NSUN6: variants seen among roughly 807,000 people sequenced by gnomAD.
NSUN6 encodes the protein NOP2/Sun RNA methyltransferase 6, also known as tRNA (cytosine(72)-C(5))-methyltransferase NSUN6.
A neutral mutation model predicts 58.0 loss-of-function variants in NSUN6; 64 were observed. The observed-to-expected ratio is 1.10, with a 90% CI of 0.90 to 1.36. The LOEUF (loss-of-function observed/expected upper bound fraction) is 1.36, where lower values mean the gene tolerates loss of function less well. NSUN6 is among the 40% of genes most tolerant of loss of function. The pLI is 0.00. For missense variants in NSUN6, 701 were observed against 550.1 expected (o/e 1.27, Z -2.74); for synonymous variants, 231 against 193.9 (o/e 1.19, Z -1.59).
intron 8 of NSUN6, among the ~76,000 whole-genome samples, chr10:18,569,116 C>T (rs1041637251): frequency 3.9e-4 from 58 of 150,628 alleles, no homozygotes; most frequent in Non-Finnish European, 6.2e-4. Flanking sequence ...ATTCTCCATC[C>T]GTTACATTCT....
chr10:18,654,114 G>T (rs10829135), upstream of NSUN6, among the ~76,000 whole-genome samples: 149,298 of 152,262 alleles, frequency 0.98, 73,209 homozygotes, highest in East Asian at 1. Context: ...GGTGATCACT[G>T]CCCTCGAGTC....
upstream of NSUN6, chr10:18,658,693 T>C (rs563090932): frequency 5.6e-5 from 55 of 980,466 alleles, no homozygotes; most frequent in Admixed American, 3.3e-3. Context: ...TCCCAATCAA[T>C]TCTTTTCAGA....
chr10:18,657,403 A>G (rs1552608), upstream of NSUN6, among the ~76,000 whole-genome samples: 18 of 152,294 alleles, frequency 1.2e-4, no homozygotes, highest in African/African-American at 3.1e-4. Context: ...AGTAAATTTT[A>G]ACGAACTGAA....
rs2054243385 is a variant in NSUN6 at position 18,546,131 on chromosome 10, TCCAATCTGCG to T, written c.1202_1211del (p.Pro401GlnfsTer5). ...GCCCAGCTCCCCTCATTCCTTCTCC[TCCAATCTGCG>T]GTTCCTGTTTGGAGAAAGTGGATCA... On this transcript the variant is annotated frameshift_variant, in exon 11 of 11. Transcript: ENST00000377304. LOFTEE classifies it high-confidence loss of function. 2.5e-5 allele frequency: 41 copies of T among 1,612,484 alleles called. No individual in the cohort carries two copies. Among genetic ancestry groups the T allele is most frequent in the Non-Finnish European group, 3.5e-5 (41 of 1,178,654 alleles).
At chr10:18,625,989 T>A (rs1027698716) in intron 3 of NSUN6, among the ~76,000 whole-genome samples, 5 of 152,036 alleles carry the variant, frequency 3.3e-5, no homozygotes, top group Admixed American at 3.3e-4. Flanking sequence ...TCAGCCAACT[T>A]GTTTTATAAA....
At chr10:18,552,500 C>G (rs1379721041) in intron 8 of NSUN6, among the ~76,000 whole-genome samples, 2 of 152,128 alleles carry the variant, frequency 1.3e-5, no homozygotes, top group Non-Finnish European at 2.9e-5. Context: ...TTTGCATTCA[C>G]TTCAGTAATT....
chr10:18,638,945 G>GT (rs1426185441), intron 3 of NSUN6, among the ~76,000 whole-genome samples: 2 of 77,558 alleles, frequency 2.6e-5, no homozygotes, highest in African/African-American at 5.3e-5. Flanking sequence ...GCTTGACAAT[G>GT]TTAAAAAAAA....
chr10:18,547,448 A>C (rs2054344796), intron 10 of NSUN6, among the ~76,000 whole-genome samples: 1 of 152,180 alleles, frequency 6.6e-6, no homozygotes, highest in African/African-American at 2.4e-5. Context: ...TATTCCCATT[A>C]CCTAATTTCT....
chr10:18,587,738 C>T (rs1374570385), intron 7 of NSUN6, among the ~76,000 whole-genome samples: 1 of 152,168 alleles, frequency 6.6e-6, no homozygotes, highest in African/African-American at 2.4e-5. Context: ...ACAAACTGTG[C>T]TACCCAGGCT....
chr10:18,587,308 A>G (rs1033010795), intron 7 of NSUN6, among the ~76,000 whole-genome samples: 1 of 152,312 alleles, frequency 6.6e-6, no homozygotes, highest in Non-Finnish European at 1.5e-5. Flanking sequence ...GGTCATTTTA[A>G]TATTTCCCAG....
At position 18,546,122 on chromosome 10, in the gene NSUN6, T is replaced by C; in HGVS notation, c.1221A>G (p.Gly407=). 1 of 1,613,296 alleles carries C rather than the reference T, an allele frequency of 6.2e-7. No homozygotes were observed. Residue 407 remains glycine, a synonymous_variant, in exon 11 of 11, where the codon GGA becomes GGG. Coordinates refer to ENST00000377304, the MANE Select transcript of NSUN6 (RefSeq NM_182543.5). Reference sequence around the variant, plus strand: ...CACATGAGAGCCCAGCTCCCCTCATTCCTTCTCCTCCAATCTGCGGTTCCT... The same window carrying C: ...CACATGAGAGCCCAGCTCCCCTCATCCCTTCTCCTCCAATCTGCGGTTCCT... ...QPQEPQIGGE[G]MRGAGLSCEQ...
At chr10:18,592,201 T>C (rs1564771260) in intron 7 of NSUN6, among the ~76,000 whole-genome samples, 1 of 152,034 alleles carries the variant, frequency 6.6e-6, no homozygotes, top group African/African-American at 2.4e-5. Flanking sequence ...CTGCAAACCA[T>C]TGTTCAGGGA....
At chr10:18,586,386 T>C (rs1048870444) in intron 7 of NSUN6, among the ~76,000 whole-genome samples, 1 of 152,132 alleles carries the variant, frequency 6.6e-6, no homozygotes, top group Non-Finnish European at 1.5e-5. Context: ...TTCAGATGTG[T>C]CTGGAGTTTC....
At chr10:18,585,696 T>C (rs2057100337) in intron 8 of NSUN6, among the ~76,000 whole-genome samples, 1 of 152,168 alleles carries the variant, frequency 6.6e-6, no homozygotes, top group Admixed American at 6.5e-5. Context: ...GTACAAAGTT[T>C]CAGATGGACG....
At position 18,556,312 on chromosome 10, in the gene NSUN6, G is replaced by A. The variant is rs11014872; in HGVS notation, c.923-4341C>T. 1.3e-4 allele frequency among the ~76,000 whole-genome samples: 19 copies of A among 149,944 alleles called. No individual in the cohort carries two copies. The East Asian group carries it at 2.2e-3, about 17-fold the overall frequency. On this transcript the variant is annotated intron_variant, in intron 8 of 10. Transcript: ENST00000377304. ...AATGGAATGCACAGTGGAATGCAAT[G>A]GAGAATGGAATGGGGAATGTAATGG...
At chr10:18,604,337 G>A (rs916083376) in intron 6 of NSUN6, among the ~76,000 whole-genome samples, 1 of 152,126 alleles carries the variant, frequency 6.6e-6, no homozygotes, top group East Asian at 1.9e-4. Context: ...TAAATTAGCA[G>A]TTCTATCATG....
rs146201618 is a variant in NSUN6 at position 18,617,282 on chromosome 10, G to A, written c.312-989C>T. Among the ~76,000 whole-genome samples, 435 of 151,212 alleles carry A rather than the reference G, an allele frequency of 2.9e-3. 1 individual carries two copies. Among genetic ancestry groups the A allele is most frequent in the African/African-American group, 9.4e-3 (387 of 41,176 alleles). Reference sequence around the variant, plus strand: ...GGCTCACTGCAACCTCTGCCATCTGGGTTAAAGTGATTCTCATGCCTCAGC... The same window carrying A: ...GGCTCACTGCAACCTCTGCCATCTGAGTTAAAGTGATTCTCATGCCTCAGC... On this transcript the variant is annotated intron_variant, in intron 3 of 10. Transcript: ENST00000377304.
At chr10:18,611,671 A>G (rs541620417) in intron 5 of NSUN6, among the ~76,000 whole-genome samples, 1 of 152,014 alleles carries the variant, frequency 6.6e-6, no homozygotes, top group African/African-American at 2.4e-5. Flanking sequence ...CTGCGACTAC[A>G]GGCACACACC....
At chr10:18,548,281 T>C (rs764462960) in intron 9 of NSUN6, 44 bp from the exon 10 acceptor site, 2 of 1,541,402 alleles carry the variant, frequency 1.3e-6, no homozygotes, top group East Asian at 2.3e-5. Context: ...CAAGACCAGA[T>C]AAACATATGA....
Sources: gnomAD v4.1 joint callset for allele counts (sites outside exome capture counted in the v4.1 genomes callset) on GRCh38, gnomAD v4.1.1 for gene constraint, MANE v1.5 for transcripts, NCBI Gene and HGNC (gene_info 2026-07-23, HGNC 2026-07-21) for gene names.